Variants in DEPTOR observed in about 807,000 individuals in gnomAD.
DEPTOR encodes the protein DEP domain containing MTOR interacting protein, also known as DEP domain-containing mTOR-interacting protein.
DEPTOR carries 41 observed loss-of-function variants against 41.6 expected under a neutral mutation model. The observed-to-expected ratio is 0.98, with a 90% CI of 0.77 to 1.28. The LOEUF (loss-of-function observed/expected upper bound fraction) is 1.28, where lower values mean the gene tolerates loss of function less well. Ranked by LOEUF, DEPTOR falls within the 50% of genes most tolerant of loss-of-function variation. The probability of loss-of-function intolerance (pLI) is 0.00; values close to 1 mark genes in which losing one functional copy is unlikely to be tolerated. For synonymous variants in DEPTOR, 195 were observed against 192.3 expected (o/e 1.01, Z -0.12); for missense variants, 514 against 527.9 (o/e 0.97, Z 0.26).
At chr8:119,953,934 A>G (rs929509126) in intron 3 of DEPTOR, among the ~76,000 whole-genome samples, 8 of 151,282 alleles carry the variant, frequency 5.3e-5, no homozygotes, top group African/African-American at 1.9e-4. Context: ...CCTCCCGAGT[A>G]TCTGAGATTA....
intron 1 of DEPTOR, among the ~76,000 whole-genome samples, chr8:119,915,494 C>T (rs1478228485): frequency 2.6e-5 from 4 of 152,148 alleles, no homozygotes; most frequent in East Asian, 1.9e-4. Flanking sequence ...GCTCTCTCAT[C>T]AGCAGTCCAC....
intron 4 of DEPTOR, among the ~76,000 whole-genome samples, chr8:119,968,322 TTTA>T (rs1489537234): frequency 4.6e-5 from 7 of 151,258 alleles, no homozygotes; most frequent in African/African-American, 4.9e-5. Context: ...GCTACCTTCT[TTTA>T]TTATTATTAT....
At chr8:119,902,477 C>A (rs937928353) in intron 1 of DEPTOR, among the ~76,000 whole-genome samples, 1 of 152,038 alleles carries the variant, frequency 6.6e-6, no homozygotes, top group African/African-American at 2.4e-5. Context: ...GTAGCTGGGA[C>A]TACAGGCATG....
chr8:119,993,080 A>G lies in DEPTOR; in HGVS notation c.605-8445A>G, dbSNP rs72673666. Among the ~76,000 whole-genome samples, 666 of 152,236 alleles carry G rather than the reference A, an allele frequency of 4.4e-3. 3 individuals are homozygous for G. Among genetic ancestry groups the G allele is most frequent in the South Asian group, 0.019 (92 of 4,828 alleles). On this transcript the variant is annotated intron_variant, in intron 4 of 8. Transcript: ENST00000286234. The stretch of plus-strand genomic sequence containing the variant: ...CCCCCCTTTTAAGTAATCAGCTTCT[A>G]TTATTTCTTTGTCTGCTAAAATCAT...
chr8:119,926,851 G>C (rs896635402), intron 1 of DEPTOR, among the ~76,000 whole-genome samples: 1 of 152,094 alleles, frequency 6.6e-6, no homozygotes, highest in African/African-American at 2.4e-5. Flanking sequence ...CAGTAAATAA[G>C]CATCATTAAC....
chr8:120,011,082 C>A (rs1055932784), intron 8 of DEPTOR, among the ~76,000 whole-genome samples: 1 of 152,168 alleles, frequency 6.6e-6, no homozygotes, highest in Non-Finnish European at 1.5e-5. Context: ...TAGCAATAAG[C>A]ATGATTGGGA....
intron 8 of DEPTOR, among the ~76,000 whole-genome samples, chr8:120,016,734 T>G (rs1812617311): frequency 6.6e-6 from 1 of 151,830 alleles, no homozygotes. Context: ...CAATGTAGCT[T>G]GGACCACAGG....
chr8:119,975,278 T>C (rs1352088483), intron 4 of DEPTOR, among the ~76,000 whole-genome samples: 1 of 152,172 alleles, frequency 6.6e-6, no homozygotes, highest in Admixed American at 6.5e-5. Flanking sequence ...TTATGCCAGG[T>C]AGCCATATTT....
intron 4 of DEPTOR, among the ~76,000 whole-genome samples, chr8:119,980,277 T>C (rs1828745624): frequency 6.6e-6 from 1 of 152,084 alleles, no homozygotes; most frequent in African/African-American, 2.4e-5. Flanking sequence ...AATTAGCTAC[T>C]TTACATTTTG....
chr8:119,955,702 G>A (rs982722100), intron 3 of DEPTOR, among the ~76,000 whole-genome samples: 2 of 152,102 alleles, frequency 1.3e-5, no homozygotes, highest in African/African-American at 2.4e-5. Context: ...TTGACCTCAG[G>A]TGATCCACCC....
At chr8:120,042,118 C>A (rs1980228) in intron 8 of DEPTOR, among the ~76,000 whole-genome samples, 7,701 of 151,256 alleles carry the variant, frequency 0.051, 655 homozygotes, top group African/African-American at 0.17. Context: ...AGTATTGCAA[C>A]CTTACTTGAA....
At chr8:120,034,417 CT>C (rs951920873) in intron 8 of DEPTOR, among the ~76,000 whole-genome samples, 19 of 144,324 alleles carry the variant, frequency 1.3e-4, no homozygotes, top group Non-Finnish European at 9.1e-5. Context: ...AAATCAGTAA[CT>C]TTTTTTTTCT....
chr8:119,928,276 C>A, intron 1 of DEPTOR, 124 bp from the exon 2 acceptor site: 1 of 1,030,882 alleles, frequency 9.7e-7, no homozygotes, highest in Non-Finnish European at 1.4e-6. Flanking sequence ...ACCAAGCGAG[C>A]TAAAGATATT....
At position 120,049,762 on chromosome 8, in the gene DEPTOR, A is replaced by G. The variant is rs148829767; in HGVS notation, c.*58A>G. ...TGGGTGAGGGAAGCCAGAATGACAC[A>G]AAGCAATGCAAAGACAAGATTGCCA... On this transcript the variant is annotated 3_prime_UTR_variant, in exon 9 of 9. Coordinates refer to ENST00000286234, the MANE Select transcript of DEPTOR (RefSeq NM_022783.4). The G allele has an allele frequency of 6.7e-4, 1,075 of 1,596,930 alleles. 6 individuals carry two copies. The African/African-American group carries it at 0.013, about 19-fold the overall frequency.
chr8:120,000,312 C>T (rs1319853593), intron 4 of DEPTOR, among the ~76,000 whole-genome samples: 2 of 152,032 alleles, frequency 1.3e-5, no homozygotes, highest in South Asian at 2.1e-4. Flanking sequence ...AACCCCAAGG[C>T]CCCCCTCCAG....
intron 3 of DEPTOR, among the ~76,000 whole-genome samples, chr8:119,930,191 A>C (rs933332112): frequency 1.5e-4 from 23 of 152,150 alleles, no homozygotes; most frequent in African/African-American, 5.6e-4. Context: ...AAAGCTCCAG[A>C]ATTTTTGTTT....
At chr8:119,889,404 A>T (rs1020836793) in intron 1 of DEPTOR, among the ~76,000 whole-genome samples, 1 of 151,114 alleles carries the variant, frequency 6.6e-6, no homozygotes, top group African/African-American at 2.4e-5. Flanking sequence ...AAAATTAGCC[A>T]GGTGTGTTAG....
chr8:119,972,705 C>G (rs1828649418), intron 4 of DEPTOR, among the ~76,000 whole-genome samples: 1 of 151,754 alleles, frequency 6.6e-6, no homozygotes, highest in African/African-American at 2.4e-5. Flanking sequence ...TCAAGACAGT[C>G]TAGCTTCAGA....
At chr8:120,021,903 C>T (rs566664020) in intron 8 of DEPTOR, among the ~76,000 whole-genome samples, 8 of 152,016 alleles carry the variant, frequency 5.3e-5, no homozygotes, top group South Asian at 4.2e-4. Flanking sequence ...GCAACTCTTA[C>T]GGAAGCTGAG....
Sources: gnomAD v4.1 joint callset for allele counts (sites outside exome capture counted in the v4.1 genomes callset) on GRCh38, gnomAD v4.1.1 for gene constraint, MANE v1.5 for transcripts, NCBI Gene and HGNC (gene_info 2026-07-23, HGNC 2026-07-21) for gene names.